The following AFMID variants were observed in gnomAD, a reference collection of about 807,000 sequenced individuals.
The protein encoded by AFMID is arylformamidase.
In AFMID, 39 loss-of-function variants were observed where a neutral mutation model predicts 47.5. The observed-to-expected ratio is 0.82, with a 90% CI of 0.64 to 1.07. The LOEUF (loss-of-function observed/expected upper bound fraction) is 1.07, where lower values mean the gene tolerates loss of function less well. Among genes scored for constraint, AFMID ranks in the 50% least tolerant of loss-of-function variants. The pLI, the probability that AFMID is intolerant of heterozygous loss-of-function variation, is 0.00. For missense variants in AFMID, 375 were observed against 387.5 expected, an observed-to-expected ratio of 0.97 and a Z score of 0.27; for synonymous variants, 130 against 153.2, an observed-to-expected ratio of 0.85 and a Z score of 1.12.
At position 78,205,488 on chromosome 17, in the gene AFMID, C is replaced by T. The variant is rs200307886; in HGVS notation, c.614C>T (p.Thr205Ile). The T allele has an allele frequency of 6.2e-7, 1 of 1,614,192 alleles. No homozygotes were observed. The highest frequency in any genetic ancestry group is 2.2e-5 in the East Asian group (1 of 44,882). The change falls in exon 8 of 11, where the codon ACT becomes ATT. Residue 205 changes from threonine (T) to isoleucine (I), a missense_variant. Coordinates refer to ENST00000409257, the MANE Select transcript of AFMID (RefSeq NM_001010982.5). ...TTTGACCTGGAGCCCATCGTGTATA[C>T]TTCACAGAACGTTGCTCTCCAGCTG... ...GVFDLEPIVY[T>I]SQNVALQLTL...
At chr17:78,206,689 T>A (rs1331500571) in intron 10 of AFMID, among the ~76,000 whole-genome samples, 1 of 141,720 alleles carries the variant, frequency 7.1e-6, no homozygotes, top group Admixed American at 7.2e-5. Context: ...CTCCTCCCCC[T>A]ACCCCCCCTT....
At chr17:78,198,397 G>A (rs578097711) in intron 2 of AFMID, among the ~76,000 whole-genome samples, 2 of 151,154 alleles carry the variant, frequency 1.3e-5, no homozygotes, top group African/African-American at 2.4e-5. Flanking sequence ...TCAGGAGTTC[G>A]AGACCAACCT....
intron 10 of AFMID, among the ~76,000 whole-genome samples, chr17:78,206,338 CAAA>C (rs60780262): frequency 5.8e-5 from 6 of 104,054 alleles, no homozygotes; most frequent in African/African-American, 2.0e-4. Context: ...GACTCTGTCT[CAAA>C]AAAAAAAAAA....
chr17:78,189,871 G>A (rs148480131), intron 1 of AFMID, among the ~76,000 whole-genome samples: 2,150 of 125,268 alleles, frequency 0.017, 55 homozygotes, highest in African/African-American at 0.06. Context: ...TCACTCTGTC[G>A]CCCAGGCTGG....
intron 2 of AFMID, among the ~76,000 whole-genome samples, chr17:78,200,448 A>G (rs1427967878): frequency 2.0e-5 from 3 of 152,106 alleles, no homozygotes; most frequent in Middle Eastern, 3.2e-3. Context: ...CCCGGTTGGT[A>G]TTTCCTTATT....
Position 78,197,279 on chromosome 17 carries a change from GGCCTCACAGTGACAAATGCGTCT to G in AFMID, c.155-5215_155-5193del, listed in dbSNP as rs1267068224. ...ACCCCCATGGATGGCAGCCGGCAATGGCCTCACAGTGACAAATGCGTCTGCCTTTTGACCCAGAATTCTACCCC... is the reference window on the plus strand; with the variant it reads ...ACCCCCATGGATGGCAGCCGGCAATGGCCTTTTGACCCAGAATTCTACCCC... On this transcript the variant is annotated intron_variant, in intron 2 of 10. Transcript: ENST00000409257. 2.8e-6 allele frequency: 4 copies of G among 1,418,146 alleles called. No homozygotes were observed. In the Admixed American group the frequency reaches 8.6e-5, roughly 31 times the overall value. The allele number at this position is 1,418,146 out of a possible 1,614,324, so 87.8% of individuals were successfully genotyped here.
Position 78,197,259 on chromosome 17 carries a change from C to T in AFMID, c.155-5240C>T, listed in dbSNP as rs530990710. ...TGGGGCAGGGTTGTTGGCAAACCCC[C>T]ATGGATGGCAGCCGGCAATGGCCTC... On this transcript the variant is annotated intron_variant, in intron 2 of 10. Coordinates refer to ENST00000409257, the MANE Select transcript of AFMID (RefSeq NM_001010982.5). 2.7e-4 allele frequency: 402 copies of T among 1,514,754 alleles called. 1 individual carries two copies. Among genetic ancestry groups the T allele is most frequent in the Middle Eastern group, 1.7e-3 (10 of 5,892 alleles). The allele number at this position is 1,514,754 out of a possible 1,614,324, so 93.8% of individuals were successfully genotyped here. A position where few individuals can be genotyped will look rare whatever the true frequency, so the allele number is the denominator to read the frequency against.
At chr17:78,190,402 T>G (rs2145843887) in intron 1 of AFMID, among the ~76,000 whole-genome samples, 1 of 152,202 alleles carries the variant, frequency 6.6e-6, no homozygotes, top group East Asian at 1.9e-4. Context: ...TCCTCCTTTT[T>G]TAATTTTTTT....
chr17:78,197,002 T>C (rs2076131613), intron 2 of AFMID: 1 of 716,268 alleles, frequency 1.4e-6, no homozygotes, highest in African/African-American at 1.8e-5. Context: ...CCGAGGTTAG[T>C]AGAGTTTTTT....
intron 1 of AFMID, among the ~76,000 whole-genome samples, chr17:78,188,635 C>T (rs1224942537): frequency 2.6e-5 from 4 of 151,606 alleles, no homozygotes; most frequent in Non-Finnish European, 2.9e-5. Context: ...CTCGCTCTAT[C>T]GCCCAGGCTG....
intron 2 of AFMID, among the ~76,000 whole-genome samples, chr17:78,196,318 T>C (rs2076112811): frequency 6.6e-6 from 1 of 152,052 alleles, no homozygotes; most frequent in African/African-American, 2.4e-5. Context: ...TGAGCAAAGA[T>C]TGCACCACTG....
At chr17:78,194,558 A>G (rs72896001) in intron 2 of AFMID, among the ~76,000 whole-genome samples, 43,435 of 152,114 alleles carry the variant, frequency 0.29, 6,285 homozygotes, top group African/African-American at 0.31. Context: ...GGCCGCCCTC[A>G]TCTGGGCTCA....
Position 78,193,489 on chromosome 17 carries a change from C to T in AFMID, c.154+2429C>T, listed in dbSNP as rs142276116. 1.3e-3 allele frequency among the ~76,000 whole-genome samples: 201 copies of T among 149,024 alleles called. 5 individuals are homozygous for T. The highest frequency in any genetic ancestry group is 4.7e-3 in the African/African-American group (190 of 40,380). ...GAAAGAATGTCAGATGTAAAAAGCA[C>T]GCACTATTGAAACTTCAAGTCATAT... is the stretch of plus-strand genomic sequence containing the variant. On this transcript the variant is annotated intron_variant, in intron 2 of 10. Transcript: ENST00000409257.
chr17:78,204,594 G>A, intron 4 of AFMID, 62 bp from the exon 5 acceptor site: 1 of 1,541,262 alleles, frequency 6.5e-7, no homozygotes, highest in Non-Finnish European at 9.0e-7. Flanking sequence ...GTGTGTCCAG[G>A]ACACAGGAAG....
At chr17:78,206,569 G>A (rs142154684) in intron 10 of AFMID, among the ~76,000 whole-genome samples, 1,112 of 105,638 alleles carry the variant, frequency 0.011, 20 homozygotes, top group African/African-American at 0.045. Flanking sequence ...ACTGTGCCCT[G>A]CTAATTATTC....
In AFMID at chr17:78,204,710, G is replaced by C. The variant is rs1453752839; in HGVS notation, c.363G>C (p.Val121=). 6.2e-7 allele frequency: 1 copy of C among 1,614,030 alleles called. No homozygotes were observed. Among genetic ancestry groups the C allele is most frequent in the African/African-American group, 1.3e-5 (1 of 74,918 alleles). The change falls in exon 5 of 11, where the codon GTG becomes GTC. Residue 121 remains valine (V), a synonymous_variant. Coordinates refer to ENST00000409257, the MANE Select transcript of AFMID (RefSeq NM_001010982.5). Reference sequence around the variant, plus strand: ...CGCTGACGGCACAGGGAGTGGCCGTGGTAATAGTGGCTTACGGCATCGCCC... The same window carrying C: ...CGCTGACGGCACAGGGAGTGGCCGTCGTAATAGTGGCTTACGGCATCGCCC... ...VHPLTAQGVA[V]VIVAYGIAPK...
chr17:78,201,942 G>A (rs753117990), intron 2 of AFMID, among the ~76,000 whole-genome samples: 2 of 151,692 alleles, frequency 1.3e-5, no homozygotes, highest in African/African-American at 2.4e-5. Context: ...ATGTTAGCCA[G>A]GGTGGTCTCG....
At chr17:78,199,181 G>A (rs556895682) in intron 2 of AFMID, among the ~76,000 whole-genome samples, 16 of 152,310 alleles carry the variant, frequency 1.1e-4, no homozygotes, top group Admixed American at 5.9e-4. Flanking sequence ...TTGGCCCATG[G>A]GCAACTTCCC....
chr17:78,204,746 T>C lies in AFMID; in HGVS notation c.394+5T>C, dbSNP rs1188422751. Reference sequence around the variant, plus strand: ...CTTACGGCATCGCCCCCAAAGGTAATAGGAGTGGTTGCTGCAGGTCCGAGG... The same window carrying C: ...CTTACGGCATCGCCCCCAAAGGTAACAGGAGTGGTTGCTGCAGGTCCGAGG... On this transcript the variant is annotated splice_donor_5th_base_variant and intron_variant, in intron 5 of 10. Coordinates refer to ENST00000409257, the MANE Select transcript of AFMID (RefSeq NM_001010982.5). 1 of 1,613,998 alleles carries C rather than the reference T, an allele frequency of 6.2e-7. No individual in the cohort carries two copies. Among genetic ancestry groups the C allele is most frequent in the Non-Finnish European group, 8.5e-7 (1 of 1,179,984 alleles).
Sources: allele counts gnomAD v4.1 joint callset (sites outside exome capture counted in the v4.1 genomes callset), GRCh38; gene constraint gnomAD v4.1.1; transcripts MANE v1.5; gene names NCBI Gene and HGNC (gene_info 2026-07-23, HGNC 2026-07-21).